SV2C: variants seen among roughly 807,000 people sequenced by gnomAD.
SV2C encodes solute carrier family 22 member B3.
Under a neutral mutation model 79.7 loss-of-function variants are expected in SV2C, and 49 were observed. The ratio of observed to expected loss-of-function variants is 0.61; its 90% CI spans 0.49 to 0.78. SV2C has a LOEUF of 0.78. Ranked by LOEUF, SV2C falls within the 30% of genes least tolerant of loss-of-function variation. The pLI, the probability that SV2C is intolerant of heterozygous loss-of-function variation, is 0.00. For synonymous variants in SV2C, 334 were observed against 333.2 expected (o/e 1.00, Z -0.03); for missense variants, 833 against 912.9 (o/e 0.91, Z 1.13).
At chr5:76,132,514 C>G (rs1338386134) in intron 2 of SV2C, among the ~76,000 whole-genome samples, 184 bp downstream of exon 2, 1 of 152,060 alleles carries the variant, frequency 6.6e-6, no homozygotes, top group Non-Finnish European at 1.5e-5. Flanking sequence ...CCTGTGTATA[C>G]CCACCACCTA....
At chr5:75,977,889 C>T in the SV2C span, among the ~76,000 whole-genome samples, 2 of 152,200 alleles carry the variant, frequency 1.3e-5, no homozygotes, top group African/African-American at 2.4e-5. Flanking sequence ...CTGGACCATT[C>T]CCATTAACAT....
chr5:76,163,091 C>T (rs953156373), intron 2 of SV2C, among the ~76,000 whole-genome samples: 5 of 152,372 alleles, frequency 3.3e-5, no homozygotes, highest in African/African-American at 9.6e-5. Context: ...ACCAGAAAAC[C>T]TGGGCCTGAC....
At chr5:76,265,202 T>C (rs144082235) in intron 4 of SV2C, among the ~76,000 whole-genome samples, 1 of 152,324 alleles carries the variant, frequency 6.6e-6, no homozygotes, top group East Asian at 1.9e-4. Flanking sequence ...TTTGCCATGC[T>C]GTGTTGAGCT....
At chr5:75,959,769 G>A in the SV2C span, among the ~76,000 whole-genome samples, 1 of 151,866 alleles carries the variant, frequency 6.6e-6, no homozygotes, top group East Asian at 1.9e-4. Context: ...TCTTCTGTCA[G>A]TCCAAAGGTA....
chr5:75,991,278 T>C, the SV2C span, among the ~76,000 whole-genome samples: 1 of 151,890 alleles, frequency 6.6e-6, no homozygotes, highest in South Asian at 2.1e-4. Flanking sequence ...ATTATCATCA[T>C]GTTTTTGCCA....
chr5:75,917,116 C>G, the SV2C span, among the ~76,000 whole-genome samples: 1 of 152,220 alleles, frequency 6.6e-6, no homozygotes, highest in South Asian at 2.1e-4. Context: ...ACGGAGATTT[C>G]CTGGGATCAC....
chr5:76,085,061 GC>G (rs549461259), intron 1 of SV2C, among the ~76,000 whole-genome samples: 112 of 152,366 alleles, frequency 7.4e-4, no homozygotes, highest in African/African-American at 2.5e-3. Flanking sequence ...TTCATACTTA[GC>G]TGACTGCTAG....
chr5:76,030,273 T>TG, the SV2C span, among the ~76,000 whole-genome samples: 33 of 103,008 alleles, frequency 3.2e-4, 1 homozygote, highest in Admixed American at 8.3e-4. Flanking sequence ...CTTGTTTTTT[T>TG]TTTTTTTTTT....
At chr5:75,983,321 A>G in the SV2C span, among the ~76,000 whole-genome samples, 3 of 152,134 alleles carry the variant, frequency 2.0e-5, no homozygotes, top group Non-Finnish European at 4.4e-5. Context: ...CTTTGAACAG[A>G]ACTACTTAAC....
At chr5:75,941,719 T>A in the SV2C span, among the ~76,000 whole-genome samples, 1 of 152,246 alleles carries the variant, frequency 6.6e-6, no homozygotes, top group Non-Finnish European at 1.5e-5. Context: ...GAGGCAGGCC[T>A]CAGGAAGCAG....
chr5:75,881,724 A>G, the SV2C span, among the ~76,000 whole-genome samples: 4,159 of 151,862 alleles, frequency 0.027, 182 homozygotes, highest in African/African-American at 0.092. Flanking sequence ...TTCTAGATAT[A>G]CAATCATGTC....
At chr5:76,225,672 C>T (rs141197591) in intron 4 of SV2C, among the ~76,000 whole-genome samples, 13 of 152,212 alleles carry the variant, frequency 8.5e-5, no homozygotes, top group African/African-American at 3.1e-4. Context: ...CGTGCCCAGT[C>T]TTTCCAATGA....
At chr5:75,893,529 A>T in the SV2C span, among the ~76,000 whole-genome samples, 2 of 152,058 alleles carry the variant, frequency 1.3e-5, no homozygotes, top group African/African-American at 4.8e-5. Context: ...GTCGTAAGTG[A>T]GAGATAAACA....
At chr5:76,126,942 A>G (rs1748725152) in intron 1 of SV2C, among the ~76,000 whole-genome samples, 1 of 152,204 alleles carries the variant, frequency 6.6e-6, no homozygotes, top group Non-Finnish European at 1.5e-5. Context: ...AATGTTTGTG[A>G]GCATTATTGT....
chr5:75,938,001 G>C, the SV2C span, among the ~76,000 whole-genome samples: 1 of 151,914 alleles, frequency 6.6e-6, no homozygotes, highest in South Asian at 2.1e-4. Context: ...AGACAAGGAG[G>C]CAACACAAGT....
intron 4 of SV2C, among the ~76,000 whole-genome samples, chr5:76,284,447 C>A (rs1354932880): frequency 6.6e-6 from 1 of 151,968 alleles, no homozygotes; most frequent in Non-Finnish European, 1.5e-5. Context: ...CAAAAGGGGC[C>A]GTGGAAAGGT....
At chr5:76,044,280 T>C in the SV2C span, among the ~76,000 whole-genome samples, 27,988 of 152,270 alleles carry the variant, frequency 0.18, 3,212 homozygotes, top group South Asian at 0.34. Flanking sequence ...ATGGTGTATA[T>C]GTACCACGTT....
chr5:75,925,140 A>C, the SV2C span, among the ~76,000 whole-genome samples: 1 of 152,144 alleles, frequency 6.6e-6, no homozygotes, highest in African/African-American at 2.4e-5. Flanking sequence ...TCTTTACAAA[A>C]CATGCTCCAA....
chr5:76,200,552 G>A (rs1744411172), intron 3 of SV2C, among the ~76,000 whole-genome samples: 2 of 152,202 alleles, frequency 1.3e-5, no homozygotes, highest in South Asian at 2.1e-4. Context: ...TCCAGTTGCT[G>A]TGTCTTATTT....
Sources: gnomAD v4.1 joint callset for allele counts (sites outside exome capture counted in the v4.1 genomes callset) on GRCh38, gnomAD v4.1.1 for gene constraint, MANE v1.5 for transcripts, NCBI Gene and HGNC (gene_info 2026-07-23, HGNC 2026-07-21) for gene names.